Variants in KALRN observed in about 807,000 individuals in gnomAD.
KALRN encodes the protein kalirin RhoGEF kinase, also known as kalirin.
In KALRN, 70 loss-of-function variants were observed where a neutral mutation model predicts 353.7. The observed-to-expected ratio is 0.20, with a 90% confidence interval of 0.16 to 0.24. The LOEUF is 0.24. Among genes scored for constraint, KALRN ranks in the 10% least tolerant of loss-of-function variants. The pLI is 1.00. For missense variants in KALRN, 2,791 were observed against 3,756.7 expected (o/e 0.74, Z 6.72); for synonymous variants, 1,391 against 1,434.8 (o/e 0.97, Z 0.69).
At chr3:124,214,335 C>T (rs948697411) in intron 1 of KALRN, among the ~76,000 whole-genome samples, 1 of 152,042 alleles carries the variant, frequency 6.6e-6, no homozygotes, top group Non-Finnish European at 1.5e-5. Flanking sequence ...TTTATTTAAC[C>T]ACATCCCTGA....
intron 33 of KALRN, among the ~76,000 whole-genome samples, chr3:124,534,654 T>C (rs1366140284): frequency 6.6e-6 from 1 of 151,982 alleles, no homozygotes; most frequent in Non-Finnish European, 1.5e-5. Flanking sequence ...TCTAGTGGGG[T>C]GATCAAAAGG....
In KALRN at chr3:124,264,730, C is replaced by A; in HGVS notation, c.456+40C>A. The A allele has an allele frequency of 5.2e-6, 8 of 1,536,556 alleles. 1 individual carries two copies. In the South Asian group the frequency reaches 6.7e-5, roughly 13 times the overall value. The stretch of plus-strand genomic sequence containing the variant: ...TCTCTCTTAGCATCTTCTTTCCCTT[C>A]CCCTTCTGCCATCCACACATTTCTC... On this transcript the variant is annotated intron_variant, in intron 4 of 59. Coordinates refer to ENST00000682506, the MANE Select transcript of KALRN (RefSeq NM_001388419.1).
At chr3:124,659,667 C>T in intron 43 of KALRN, among the ~76,000 whole-genome samples, 1 of 152,134 alleles carries the variant, frequency 6.6e-6, no homozygotes, top group South Asian at 2.1e-4. Flanking sequence ...CATGGCTGTT[C>T]TTCCTACCCT....
At chr3:124,457,071 T>A (rs76470852) in intron 23 of KALRN, among the ~76,000 whole-genome samples, 1 of 150,310 alleles carries the variant, frequency 6.7e-6, no homozygotes, top group African/African-American at 2.4e-5. Context: ...ATTTTTTTTT[T>A]AAGTTTTTTA....
At chr3:124,520,411 T>C (rs2067067687) in intron 33 of KALRN, among the ~76,000 whole-genome samples, 1 of 152,124 alleles carries the variant, frequency 6.6e-6, no homozygotes, top group African/African-American at 2.4e-5. Flanking sequence ...TCTCTGAAGG[T>C]AGATATTTTG....
chr3:124,185,697 C>A (rs917038368), intron 1 of KALRN, among the ~76,000 whole-genome samples: 1 of 152,148 alleles, frequency 6.6e-6, no homozygotes, highest in Non-Finnish European at 1.5e-5. Context: ...TAGATGGCAC[C>A]AGTTGTCCTC....
At chr3:124,683,972 C>CA (rs2061447642) in intron 51 of KALRN, among the ~76,000 whole-genome samples, 1 of 152,280 alleles carries the variant, frequency 6.6e-6, no homozygotes, top group Admixed American at 6.5e-5. Context: ...ATATACATAA[C>CA]AAAAATTTAC....
chr3:124,376,392 A>C (rs1463283315), intron 10 of KALRN, among the ~76,000 whole-genome samples: 1 of 152,170 alleles, frequency 6.6e-6, no homozygotes, highest in Non-Finnish European at 1.5e-5. Context: ...CAGCAGTTGT[A>C]ATGTGGTGGG....
At chr3:124,611,365 G>C (rs1404064137) in intron 34 of KALRN, among the ~76,000 whole-genome samples, 1 of 152,176 alleles carries the variant, frequency 6.6e-6, no homozygotes, top group African/African-American at 2.4e-5. Flanking sequence ...GTTGGTGTGG[G>C]AAATATGAGC....
intron 42 of KALRN, 111 bp from the exon 43 acceptor site, chr3:124,659,254 T>C (rs2084506867): frequency 2.6e-6 from 2 of 773,314 alleles, no homozygotes; most frequent in Non-Finnish European, 4.6e-6. Context: ...TAAAGATTCT[T>C]CAACTTCATT....
At chr3:124,127,382 C>G (rs2064808709) in intron 1 of KALRN, among the ~76,000 whole-genome samples, 1 of 151,998 alleles carries the variant, frequency 6.6e-6, no homozygotes, top group Admixed American at 6.6e-5. Context: ...ATCCTCCTCC[C>G]CTTACTGAGG....
chr3:124,375,378 C>T (rs1196906241), intron 10 of KALRN, among the ~76,000 whole-genome samples: 4 of 152,224 alleles, frequency 2.6e-5, no homozygotes, highest in Non-Finnish European at 5.9e-5. Flanking sequence ...CCTCTGGCCT[C>T]TAGTCCCCTT....
chr3:124,066,319 T>A (rs987427443), intron 1 of KALRN, among the ~76,000 whole-genome samples: 1 of 151,768 alleles, frequency 6.6e-6, no homozygotes, highest in Non-Finnish European at 1.5e-5. Context: ...CCAGAGAGAG[T>A]CCTGAATATG....
At chr3:124,627,427 A>G (rs940557716) in intron 34 of KALRN, among the ~76,000 whole-genome samples, 1 of 152,266 alleles carries the variant, frequency 6.6e-6, no homozygotes, top group East Asian at 1.9e-4. Context: ...GTAAATGACA[A>G]CAGGGGAAGA....
chr3:124,076,490 G>A (rs1351599374), intron 1 of KALRN, among the ~76,000 whole-genome samples: 2 of 152,168 alleles, frequency 1.3e-5, no homozygotes, highest in African/African-American at 2.4e-5. Flanking sequence ...CCTGACACAC[G>A]TGTTAATGAA....
At chr3:124,109,585 T>A (rs1280130416) in intron 1 of KALRN, among the ~76,000 whole-genome samples, 1 of 151,720 alleles carries the variant, frequency 6.6e-6, no homozygotes, top group Non-Finnish European at 1.5e-5. Context: ...TCTGAAGTCT[T>A]TATGGGTTGA....
chr3:124,504,052 G>A lies in KALRN; in HGVS notation c.4935+7639G>A, dbSNP rs1417505889. Among the ~76,000 whole-genome samples, 7 of 152,118 alleles carry A rather than the reference G, an allele frequency of 4.6e-5. No homozygotes were observed. In the East Asian group the frequency reaches 5.8e-4, roughly 13 times the overall value. On this transcript the variant is annotated intron_variant, in intron 33 of 59. Transcript: ENST00000682506. ...ACACACGCAGCTTGCAGGAAACCTC[G>A]GAAGTGCTCTCGTGGTACTCAGAGC...
intron 2 of KALRN, among the ~76,000 whole-genome samples, chr3:124,228,905 G>A (rs547064592): frequency 6.6e-6 from 1 of 151,302 alleles, no homozygotes; most frequent in African/African-American, 2.4e-5. Flanking sequence ...GCTTGTGGCT[G>A]CATCATTTCC....
At chr3:124,293,730 G>A (rs964906406) in intron 5 of KALRN, among the ~76,000 whole-genome samples, 3 of 148,982 alleles carry the variant, frequency 2.0e-5, no homozygotes, top group Non-Finnish European at 3.0e-5. Context: ...ATTTAGACAC[G>A]AACTTTCCTC....
Sources: allele counts gnomAD v4.1 joint callset (sites outside exome capture counted in the v4.1 genomes callset), GRCh38; gene constraint gnomAD v4.1.1; transcripts MANE v1.5; gene names NCBI Gene and HGNC (gene_info 2026-07-23, HGNC 2026-07-21).